CHRM2: variants seen among roughly 807,000 people sequenced by gnomAD.
CHRM2 encodes cholinergic receptor muscarinic 2.
Under a neutral mutation model 25.0 loss-of-function variants are expected in CHRM2, and 8 were observed. The ratio of observed to expected loss-of-function variants is 0.32; its 90% CI spans 0.19 to 0.58. CHRM2 has a LOEUF of 0.58. Among genes scored for constraint, CHRM2 ranks in the 20% least tolerant of loss-of-function variants. CHRM2 has a pLI of 0.88. For synonymous variants in CHRM2, 202 were observed against 205.7 expected, an observed-to-expected ratio of 0.98 and a Z score of 0.15; for missense variants, 440 against 567.1, an observed-to-expected ratio of 0.78 and a Z score of 2.28.
At chr7:136,957,630 G>A (rs1207827696) in intron 2 of CHRM2, among the ~76,000 whole-genome samples, 1 of 152,130 alleles carries the variant, frequency 6.6e-6, no homozygotes, top group Non-Finnish European at 1.5e-5. Context: ...ATCTGAAAAA[G>A]CCACAAGGTA....
At chr7:136,926,087 A>C (rs540300162) in intron 2 of CHRM2, among the ~76,000 whole-genome samples, 2 of 152,106 alleles carry the variant, frequency 1.3e-5, no homozygotes, top group Admixed American at 1.3e-4. Flanking sequence ...AAATACAAAA[A>C]ATTAGCCAGG....
intron 2 of CHRM2, among the ~76,000 whole-genome samples, chr7:136,879,770 C>T (rs1796190151): frequency 6.6e-6 from 1 of 151,850 alleles, no homozygotes. Context: ...AAGGAGATAC[C>T]TTGGCTTCTA....
chr7:137,010,779 T>C (rs1326257136), intron 3 of CHRM2, among the ~76,000 whole-genome samples: 1 of 151,958 alleles, frequency 6.6e-6, no homozygotes, highest in Non-Finnish European at 1.5e-5. Flanking sequence ...GTGTTCTACC[T>C]GAGTAAGAAT....
At chr7:136,940,354 T>C (rs1229139510) in intron 2 of CHRM2, among the ~76,000 whole-genome samples, 1 of 152,212 alleles carries the variant, frequency 6.6e-6, no homozygotes, top group Non-Finnish European at 1.5e-5. Flanking sequence ...CCTTCTGTAG[T>C]GATTAAAGAC....
rs1441209174 is a variant in CHRM2 at position 137,014,919 on chromosome 7, T to C, written c.54T>C (p.Tyr18=). 7 of 1,613,136 alleles carry C rather than the reference T, an allele frequency of 4.3e-6. No homozygotes were observed. In the South Asian group the frequency reaches 6.6e-5, roughly 15 times the overall value. The change falls in exon 4 of 4, where the codon TAT becomes TAC. Residue 18 remains tyrosine, a synonymous_variant. Coordinates refer to ENST00000680005, the MANE Select transcript of CHRM2 (RefSeq NM_001006630.2). ...SNNSLALTSP[Y]KTFEVVFIVL... is the part of the protein sequence containing the mutation. ...ATAGCCTGGCTCTTACAAGTCCTTA[T>C]AAGACATTTGAAGTGGTGTTTATTG...
intron 2 of CHRM2, among the ~76,000 whole-genome samples, chr7:136,980,783 G>A (rs1802433821): frequency 6.6e-6 from 1 of 152,172 alleles, no homozygotes; most frequent in Non-Finnish European, 1.5e-5. Context: ...TGCATCCCAG[G>A]GATGAAGCTG....
At chr7:136,962,332 G>A (rs942296050) in intron 2 of CHRM2, among the ~76,000 whole-genome samples, 10 of 151,920 alleles carry the variant, frequency 6.6e-5, no homozygotes, top group Admixed American at 1.3e-4. Flanking sequence ...ACAGGGTTTC[G>A]CCGTGTTGGC....
chr7:137,011,215 G>GTGTGTGTGTATATATATA, intron 3 of CHRM2, among the ~76,000 whole-genome samples: 1,363 of 134,190 alleles, frequency 0.01, 43 homozygotes, highest in African/African-American at 0.04. Flanking sequence ...GTGTGTGTGT[G>GTGTGTGTGTATATATATA]TATATATATA....
chr7:136,916,001 T>A (rs1798085275), intron 2 of CHRM2, among the ~76,000 whole-genome samples: 1 of 151,844 alleles, frequency 6.6e-6, no homozygotes, highest in South Asian at 2.1e-4. Flanking sequence ...TTGTGGGTAC[T>A]TATATATTGT....
intron 2 of CHRM2, among the ~76,000 whole-genome samples, chr7:136,986,112 T>G (rs1209908573): frequency 6.6e-6 from 1 of 152,164 alleles, no homozygotes; most frequent in African/African-American, 2.4e-5. Context: ...CCCAATCAGC[T>G]GATTTATGAC....
At chr7:136,939,535 G>T (rs1480841743) in intron 2 of CHRM2, among the ~76,000 whole-genome samples, 1 of 152,162 alleles carries the variant, frequency 6.6e-6, no homozygotes, top group South Asian at 2.1e-4. Flanking sequence ...CTTTTTATAT[G>T]TTAGCATTCT....
intron 2 of CHRM2, among the ~76,000 whole-genome samples, chr7:136,967,896 G>C (rs1044845336): frequency 6.6e-6 from 1 of 151,718 alleles, no homozygotes. Context: ...TAAAATTCTG[G>C]AAGTACTGTT....
intron 2 of CHRM2, chr7:136,903,117 G>T: frequency 1.9e-6 from 1 of 533,434 alleles, no homozygotes; most frequent in South Asian, 1.4e-5. Flanking sequence ...GTAGGTGTAG[G>T]TTTTTTATTC....
intron 3 of CHRM2, among the ~76,000 whole-genome samples, chr7:136,995,023 A>G (rs1338350677): frequency 1.3e-5 from 2 of 152,176 alleles, no homozygotes; most frequent in Non-Finnish European, 2.9e-5. Flanking sequence ...ATAATTTTGT[A>G]TAAGCATAAT....
At position 136,945,526 on chromosome 7, in the gene CHRM2, T is replaced by C. The variant is rs547854413; in HGVS notation, c.-124-46661T>C. Among the ~76,000 whole-genome samples, 7 of 152,292 alleles carry C rather than the reference T, an allele frequency of 4.6e-5. No individual in the cohort carries two copies. In the South Asian group the frequency reaches 1.4e-3, roughly 32 times the overall value. ...TTGTTTGTGTTTGCTTTCTTGAAGA[T>C]CAGTTGACTGTAAGTATTTGGCTTT... On this transcript the variant is annotated intron_variant, in intron 2 of 3. Transcript: ENST00000680005.
intron 2 of CHRM2, among the ~76,000 whole-genome samples, chr7:136,924,658 A>T (rs560071827): frequency 6.6e-6 from 1 of 152,190 alleles, no homozygotes; most frequent in African/African-American, 2.4e-5. Flanking sequence ...TGATTCAAAC[A>T]GCTACACAGG....
intron 2 of CHRM2, among the ~76,000 whole-genome samples, chr7:136,974,468 C>T (rs1485104942): frequency 6.6e-6 from 1 of 152,028 alleles, no homozygotes; most frequent in Non-Finnish European, 1.5e-5. Context: ...TCAGGGGACG[C>T]TTTACTTGGG....
intron 2 of CHRM2, among the ~76,000 whole-genome samples, chr7:136,957,795 T>C (rs892058595): frequency 5.3e-5 from 8 of 152,252 alleles, no homozygotes; most frequent in African/African-American, 1.9e-4. Context: ...AACTATTGCA[T>C]AGAAAATCTT....
intron 2 of CHRM2, among the ~76,000 whole-genome samples, chr7:136,926,528 T>C (rs144207272): frequency 6.6e-6 from 1 of 152,330 alleles, no homozygotes; most frequent in Non-Finnish European, 1.5e-5. Context: ...AACATTTGAC[T>C]ATTTCTAACT....
Sources: allele counts gnomAD v4.1 joint callset (sites outside exome capture counted in the v4.1 genomes callset), GRCh38; gene constraint gnomAD v4.1.1; transcripts MANE v1.5; gene names NCBI Gene and HGNC (gene_info 2026-07-23, HGNC 2026-07-21).